Variants in MED13L observed in about 807,000 individuals in gnomAD.
The protein encoded by MED13L is mediator complex subunit 13L.
A neutral mutation model predicts 220.9 loss-of-function variants in MED13L; 7 were observed. The ratio of observed to expected loss-of-function variants is 0.03; its 90% confidence interval spans 0.02 to 0.06. The LOEUF (loss-of-function observed/expected upper bound fraction) is 0.06, where lower values mean the gene tolerates loss of function less well. Among genes scored for constraint, MED13L ranks in the 10% least tolerant of loss-of-function variants. The pLI, the probability that MED13L is intolerant of heterozygous loss-of-function variation, is 1.00. For missense variants in MED13L, 1,965 were observed against 2,760.5 expected (o/e 0.71, Z 6.46); for synonymous variants, 1,011 against 1,015.2 (o/e 1.00, Z 0.08).
intron 2 of MED13L, among the ~76,000 whole-genome samples, chr12:116,116,026 G>A (rs117846871): frequency 0.015 from 2,333 of 152,238 alleles, 27 homozygotes; most frequent in Non-Finnish European, 0.024. Flanking sequence ...ACAATATCCC[G>A]TCGTAATATT....
Position 116,138,098 on chromosome 12 carries a change from C to T in MED13L, c.311-26586G>A, listed in dbSNP as rs1383476985. ...CTCGAACTCCTGACCTCAGGCAATC[C>T]GCCCGCCTCAGCCTCCCAAAGTGCT... On this transcript the variant is annotated intron_variant, in intron 2 of 30. Transcript: ENST00000281928. 5.3e-5 allele frequency among the ~76,000 whole-genome samples: 8 copies of T among 152,148 alleles called. No individual in the cohort carries two copies. In the East Asian group the frequency reaches 1.2e-3, roughly 22 times the overall value.
intron 1 of MED13L, among the ~76,000 whole-genome samples, chr12:116,248,447 G>A (rs1302853198): frequency 6.6e-6 from 1 of 152,106 alleles, no homozygotes; most frequent in East Asian, 1.9e-4. Flanking sequence ...ACACTGTAGA[G>A]TGGCTTCAAA....
intron 2 of MED13L, among the ~76,000 whole-genome samples, chr12:116,183,243 G>C (rs1481435596): frequency 6.6e-6 from 1 of 152,156 alleles, no homozygotes; most frequent in African/African-American, 2.4e-5. Context: ...TCTGCAGATT[G>C]TATGTGTGCC....
chr12:115,961,183 G>A lies in MED13L; in HGVS notation c.*83C>T, dbSNP rs1169441160. ...GAGTGGTCTGAAGAAAAGGATGTGGGTTATTTGCAGAGTGTAGCAGGTTCC... is the reference window on the plus strand; with the variant it reads ...GAGTGGTCTGAAGAAAAGGATGTGGATTATTTGCAGAGTGTAGCAGGTTCC... On this transcript the variant is annotated 3_prime_UTR_variant, in exon 31 of 31. Transcript: ENST00000281928. The A allele has an allele frequency of 5.8e-6, 9 of 1,550,268 alleles. No individual in the cohort carries two copies. The highest frequency in any genetic ancestry group is 2.7e-5 in the African/African-American group (2 of 73,490).
chr12:116,171,274 C>A (rs1879665439), intron 2 of MED13L, among the ~76,000 whole-genome samples: 1 of 152,218 alleles, frequency 6.6e-6, no homozygotes. Flanking sequence ...ATGCCTGGAA[C>A]AGCCACATGG....
intron 2 of MED13L, among the ~76,000 whole-genome samples, chr12:116,206,112 ACT>A (rs1435408600): frequency 9.6e-6 from 1 of 103,796 alleles, no homozygotes; most frequent in African/African-American, 4.0e-5. Flanking sequence ...ATGGAGTCCC[ACT>A]CTGTCACCCA....
At chr12:116,257,729 T>TA (rs955650922) in intron 1 of MED13L, among the ~76,000 whole-genome samples, 5 of 152,200 alleles carry the variant, frequency 3.3e-5, no homozygotes, top group Non-Finnish European at 5.9e-5. Context: ...GCTTTTACTT[T>TA]AAAAAAAACT....
At chr12:116,060,532 C>A (rs1592998090) in intron 4 of MED13L, among the ~76,000 whole-genome samples, 1 of 146,708 alleles carries the variant, frequency 6.8e-6, no homozygotes, top group East Asian at 2.0e-4. Flanking sequence ...GAGCCGAGAT[C>A]ATGCCACTGA....
At chr12:116,120,742 T>G (rs910608028) in intron 2 of MED13L, among the ~76,000 whole-genome samples, 2 of 152,092 alleles carry the variant, frequency 1.3e-5, no homozygotes, top group African/African-American at 2.4e-5. Flanking sequence ...AAAAAAAGCC[T>G]TTCTAATTCT....
Position 115,966,260 on chromosome 12 carries a change from C to T in MED13L, c.6226-17G>A. ...ACCCTGGCTCTGAAAAACAAAAATC[C>T]CAAAAACATGATCAGCATTTATCTT... On this transcript the variant is annotated splice_polypyrimidine_tract_variant and intron_variant, in intron 28 of 30. Transcript: ENST00000281928. 1.2e-6 allele frequency: 2 copies of T among 1,613,854 alleles called. No individual in the cohort carries two copies. The highest frequency in any genetic ancestry group is 1.7e-6 in the Non-Finnish European group (2 of 1,179,914).
chr12:116,165,793 T>A (rs994599053), intron 2 of MED13L, among the ~76,000 whole-genome samples: 1 of 152,176 alleles, frequency 6.6e-6, no homozygotes, highest in East Asian at 1.9e-4. Flanking sequence ...CTTTTTAAGA[T>A]AAAGACCCAA....
At chr12:116,038,697 T>C (rs956947030) in intron 4 of MED13L, among the ~76,000 whole-genome samples, 1 of 120,760 alleles carries the variant, frequency 8.3e-6, no homozygotes, top group African/African-American at 3.3e-5. Flanking sequence ...CTGCCCTTCA[T>C]CAGGTCAACA....
chr12:116,187,252 C>T lies in MED13L; in HGVS notation c.310+50216G>A, dbSNP rs144630567. Among the ~76,000 whole-genome samples the T allele has an allele frequency of 2.6e-5, 4 of 152,358 alleles. No individual in the cohort carries two copies. The East Asian group carries it at 7.7e-4, about 29-fold the overall frequency. On this transcript the variant is annotated intron_variant, in intron 2 of 30. Transcript: ENST00000281928. ...ACTATGGAGCCAGAGCCCCTCCTCT[C>T]TCACTTACGTGTTCTTTGGTTTGAG... is the stretch of plus-strand genomic sequence containing the variant.
intron 1 of MED13L, among the ~76,000 whole-genome samples, chr12:116,238,002 T>C (rs530677962): frequency 2.6e-5 from 4 of 152,352 alleles, no homozygotes; most frequent in African/African-American, 4.8e-5. Flanking sequence ...AAAGTCTCTA[T>C]GCAGAAAACT....
intron 2 of MED13L, among the ~76,000 whole-genome samples, chr12:116,172,945 A>C (rs1005066798): frequency 1.3e-4 from 20 of 151,522 alleles, no homozygotes; most frequent in Admixed American, 2.0e-4. Flanking sequence ...AAAAAAAAAA[A>C]CAAGTACTAT....
chr12:116,147,617 A>G (rs931808877), intron 2 of MED13L, among the ~76,000 whole-genome samples: 3 of 152,176 alleles, frequency 2.0e-5, no homozygotes, highest in East Asian at 3.9e-4. Context: ...CGACTCTGCT[A>G]AAGACATCTT....
intron 1 of MED13L, among the ~76,000 whole-genome samples, chr12:116,238,359 A>G (rs970221478): frequency 6.6e-6 from 1 of 152,242 alleles, no homozygotes; most frequent in African/African-American, 2.4e-5. Flanking sequence ...CACATTGTAA[A>G]ACATGAGAAC....
chr12:115,983,570 T>C (rs745558861), intron 20 of MED13L, 30 bp from the exon 21 acceptor site: 8 of 1,612,098 alleles, frequency 5.0e-6, no homozygotes, highest in East Asian at 2.2e-5. Flanking sequence ...GAGGTGACTT[T>C]AGTGATATTC....
intron 1 of MED13L, among the ~76,000 whole-genome samples, chr12:116,241,596 A>G (rs1002608013): frequency 2.0e-5 from 3 of 151,906 alleles, no homozygotes; most frequent in Admixed American, 1.3e-4. Context: ...ACTTCCTATC[A>G]GTACATCTAT....
Sources: allele counts gnomAD v4.1 joint callset (sites outside exome capture counted in the v4.1 genomes callset), GRCh38; gene constraint gnomAD v4.1.1; transcripts MANE v1.5; gene names NCBI Gene and HGNC (gene_info 2026-07-23, HGNC 2026-07-21).